The following GRK2 variants were observed in gnomAD, a reference collection of about 807,000 sequenced individuals.
GRK2 encodes adrenergic beta receptor kinase 1.
A neutral mutation model predicts 97.8 loss-of-function variants in GRK2; 23 were observed. The ratio of observed to expected loss-of-function variants is 0.24; its 90% confidence interval spans 0.17 to 0.33. GRK2 has a LOEUF of 0.33. Ranked by LOEUF, GRK2 falls within the 10% of genes least tolerant of loss-of-function variation. The pLI is 1.00. For synonymous variants in GRK2, 425 were observed against 381.7 expected (o/e 1.11, Z -1.32); for missense variants, 633 against 956.9 (o/e 0.66, Z 4.47).
intron 1 of GRK2, among the ~76,000 whole-genome samples, chr11:67,273,848 G>C (rs1024747083): frequency 2.0e-5 from 3 of 152,108 alleles, no homozygotes; most frequent in Non-Finnish European, 4.4e-5. Context: ...TGACAGCAGA[G>C]CCCCTGGGAA....
At position 67,283,864 on chromosome 11, in the gene GRK2, C is replaced by T; in HGVS notation, c.1406C>T (p.Pro469Leu). ...CCTGTTCTGCTGCAGTACCCTCCCC[C>T]GCTGATCCCCCCACGAGGGGAGGTG... ...QMVFLQKYPP[P>L]LIPPRGEVNA... is the part of the protein sequence containing the mutation. The change falls in exon 17 of 21, where the codon CCG (proline) becomes CTG (leucine). Residue 469 changes from proline to leucine, a missense_variant. Physicochemically the swap from Pro to Leu is moderately conservative, Grantham distance 98. Transcript: ENST00000308595. 1 of 1,613,058 alleles carries T rather than the reference C, an allele frequency of 6.2e-7. No homozygotes were observed. Among genetic ancestry groups the T allele is most frequent in the Non-Finnish European group, 8.5e-7 (1 of 1,179,788 alleles).
intron 1 of GRK2, among the ~76,000 whole-genome samples, chr11:67,274,514 T>TTTTTTTTTTTTTTTTTTTGC (rs1859984489): frequency 8.6e-6 from 1 of 116,064 alleles, no homozygotes; most frequent in Non-Finnish European, 1.9e-5. Flanking sequence ...TTTTTTTTTT[T>TTTTTTTTTTTTTTTTTTTGC]TTTTTTTTGC....
At chr11:67,275,860 C>G (rs915620964) in intron 1 of GRK2, among the ~76,000 whole-genome samples, 4 of 152,246 alleles carry the variant, frequency 2.6e-5, no homozygotes, top group African/African-American at 9.6e-5. Context: ...GGCTTCTGCA[C>G]ACGCTGTCTG....
At chr11:67,275,393 GGC>G (rs2136494821) in intron 1 of GRK2, among the ~76,000 whole-genome samples, 1 of 152,304 alleles carries the variant, frequency 6.6e-6, no homozygotes, top group African/African-American at 2.4e-5. Flanking sequence ...CAGACCCTCG[GGC>G]CCAAAGCCTG....
intron 1 of GRK2, among the ~76,000 whole-genome samples, chr11:67,273,645 C>T (rs926377453): frequency 6.6e-6 from 1 of 152,160 alleles, no homozygotes; most frequent in Middle Eastern, 3.4e-3. Flanking sequence ...CAGGCCTGAC[C>T]TCGTGTTTGG....
chr11:67,284,226 C>T lies in GRK2; in HGVS notation c.1507C>T (p.Gln503Ter). 6.2e-7 allele frequency: 1 copy of T among 1,613,652 alleles called. No homozygotes were observed. Among genetic ancestry groups the T allele is most frequent in the Non-Finnish European group, 8.5e-7 (1 of 1,179,990 alleles). Reference sequence around the variant, plus strand: ...CCTGGTAAAGTTACTGGACAGTGATCAGGAGCTCTACCGCAACTTCCCCCT... The same window carrying T: ...CCTGGTAAAGTTACTGGACAGTGATTAGGAGCTCTACCGCAACTTCCCCCT... Reference protein sequence around the residue: ...TKGIKLLDSDQELYRNFPLTI... With the variant: ...TKGIKLLDSD The change falls in exon 18 of 21, where the codon CAG becomes TAG. Residue 503 changes from glutamine to a stop codon, truncating the protein, a stop_gained. Coordinates refer to ENST00000308595, the MANE Select transcript of GRK2 (RefSeq NM_001619.5). LOFTEE classifies it high-confidence loss of function.
chr11:67,283,198 T>G lies in GRK2; in HGVS notation c.1298T>G (p.Val433Gly), dbSNP rs1222491412. The G allele has an allele frequency of 6.2e-7, 1 of 1,613,976 alleles. No homozygotes were observed. The highest frequency in any genetic ancestry group is 8.5e-7 in the Non-Finnish European group (1 of 1,179,970). ...CTGGAGGGGTTGCTGCAGAGGGATG[T>G]CAACCGGAGATTGGGCTGCCTGGGC... ...SLLEGLLQRD[V>G]NRRLGCLGRG... The change falls in exon 15 of 21, where the codon GTC (valine) becomes GGC (glycine). Residue 433 changes from valine (V) to glycine (G), a missense_variant. Physicochemically the swap from Val to Gly is moderately radical, Grantham distance 109 (BLOSUM62 -3). Transcript: ENST00000308595.
At position 67,282,421 on chromosome 11, in the gene GRK2, C is replaced by G; in HGVS notation, c.1053-14C>G. The G allele has an allele frequency of 6.2e-7, 1 of 1,613,288 alleles. No homozygotes were observed. Among genetic ancestry groups the G allele is most frequent in the South Asian group, 1.1e-5 (1 of 91,074 alleles). On this transcript the variant is annotated splice_polypyrimidine_tract_variant and intron_variant, in intron 12 of 20. Coordinates refer to ENST00000308595, the MANE Select transcript of GRK2 (RefSeq NM_001619.5). The surrounding 1 kb of genome is among the most constrained non-coding windows in gnomAD (Gnocchi z 6.9). ...CCCTTGCCACTCCCGCTTATGGCCC[C>G]CTTGCTCCCACAGGGGCACCCACGG...
At chr11:67,279,031 G>T (rs1860089988) in intron 2 of GRK2, among the ~76,000 whole-genome samples, 169 bp from the exon 3 acceptor site, 1 of 152,218 alleles carries the variant, frequency 6.6e-6, no homozygotes. Flanking sequence ...GAATCTTCAC[G>T]TTGGCAGCAG....
rs1860031216 is a variant in GRK2 at position 67,276,528 on chromosome 11, C to G, written c.114-744C>G. ...CAGGGCAGGGGTCACATTTTATATC[C>G]AAGTACTAGGGACACACGAACCAAG... On this transcript the variant is annotated intron_variant, in intron 1 of 20. Coordinates refer to ENST00000308595, the MANE Select transcript of GRK2 (RefSeq NM_001619.5). The surrounding 1 kb of genome is among the most constrained non-coding windows in gnomAD (Gnocchi z 4.2). 6.6e-6 allele frequency: 1 copy of G among 152,128 alleles called. No homozygotes were observed. The highest frequency in any genetic ancestry group is 6.5e-5 in the Admixed American group (1 of 15,274). 9.4% of individuals were successfully genotyped at this position (152,128 alleles called of 1,614,324 possible). A position where few individuals can be genotyped will look rare whatever the true frequency, so the allele number is the denominator to read the frequency against.
At chr11:67,270,599 C>G (rs1017030245) in intron 1 of GRK2, among the ~76,000 whole-genome samples, 2 of 152,228 alleles carry the variant, frequency 1.3e-5, no homozygotes, top group Non-Finnish European at 2.9e-5. Flanking sequence ...CCTGCTGCTT[C>G]CAGCCTTTGT....
Position 67,266,712 on chromosome 11 carries a change from G to C in GRK2, c.13G>C (p.Glu5Gln), listed in dbSNP as rs778566509. Reference protein sequence around the residue: MADLEAVLADVSYLM... With the variant: MADLQAVLADVSYLM... ...CGCCGCCGCCAAGATGGCGGACCTG[G>C]AGGCGGTGCTGGCCGACGTGAGCTA... The change falls in exon 1 of 21, where the codon GAG becomes CAG. Residue 5 changes from glutamate (E) to glutamine (Q), a missense_variant. Glu to Gln is a conservative substitution (Grantham distance 29). This residue lies in a region of GRK2 where 193 missense variants were observed against 212.2 expected (regional missense o/e 0.91). Coordinates refer to ENST00000308595, the MANE Select transcript of GRK2 (RefSeq NM_001619.5). The C allele has an allele frequency of 7.8e-7, 1 of 1,283,442 alleles. No homozygotes were observed. The allele number at this position is 1,283,442 out of a possible 1,614,324, so 79.5% of individuals were successfully genotyped here. A position where few individuals can be genotyped will look rare whatever the true frequency, so the allele number is the denominator to read the frequency against.
chr11:67,277,306 C>T lies in GRK2; in HGVS notation c.148C>T (p.Arg50Trp), dbSNP rs1165911865. 6 of 1,613,626 alleles carry T rather than the reference C, an allele frequency of 3.7e-6. No individual in the cohort carries two copies. The highest frequency in any genetic ancestry group is 1.1e-5 in the South Asian group (1 of 91,088). The change falls in exon 2 of 21, where the codon CGG becomes TGG. Residue 50 changes from arginine to tryptophan, a missense_variant. Arg to Trp is a moderately radical substitution (Grantham distance 101). Coordinates refer to ENST00000308595, the MANE Select transcript of GRK2 (RefSeq NM_001619.5). The part of the protein sequence containing the change: ...RSVMQKYLED[R>W]GEVTFEKIFS... ...TGTCATGCAGAAGTACCTGGAGGAC[C>T]GGGGCGAGGTGACCTTTGAGAAGAT...
intron 6 of GRK2, 85 bp downstream of exon 6, chr11:67,279,985 A>G (rs1004032340): frequency 7.3e-7 from 1 of 1,361,186 alleles, no homozygotes; most frequent in African/African-American, 1.4e-5. Flanking sequence ...GGCAGAAGCC[A>G]GCCTTCATTA....
chr11:67,282,616 A>G lies in GRK2; in HGVS notation c.1160+74A>G. On this transcript the variant is annotated intron_variant, in intron 13 of 20. Coordinates refer to ENST00000308595, the MANE Select transcript of GRK2 (RefSeq NM_001619.5). This position sits in a 1 kb window ranked among gnomAD's most constrained non-coding sequence, Gnocchi z 6.9. ...TCCTCCCCAATCCAGGTGGGATGCC[A>G]AAGGAGGGGAGCCCATAGCTGCCTT... is the stretch of plus-strand genomic sequence containing the variant. 6.4e-7 allele frequency: 1 copy of G among 1,567,556 alleles called. No homozygotes were observed. Among genetic ancestry groups the G allele is most frequent in the Non-Finnish European group, 8.7e-7 (1 of 1,144,024 alleles).
chr11:67,279,589 C>T (rs1290013338), intron 4 of GRK2, 37 bp from the exon 5 acceptor site: 1 of 1,612,666 alleles, frequency 6.2e-7, no homozygotes. Context: ...AAGAGAGGAC[C>T]CTGCTGAGAA....
rs1860221979 is a variant in GRK2, at chr11:67,284,249, C to A, written c.1530C>A (p.Pro510=). ...DSDQELYRNF[P]LTISERWQQE... ...ATCAGGAGCTCTACCGCAACTTCCC[C>A]CTCACCATCTCGGAGCGGTGGCAGC... The change falls in exon 18 of 21, where the codon CCC becomes CCA. Residue 510 remains proline (P), a synonymous_variant. Transcript: ENST00000308595. 3.7e-6 allele frequency: 6 copies of A among 1,613,678 alleles called. No homozygotes were observed. The highest frequency in any genetic ancestry group is 5.1e-6 in the Non-Finnish European group (6 of 1,180,004).
intron 1 of GRK2, among the ~76,000 whole-genome samples, chr11:67,271,984 G>A (rs61759811): frequency 9.9e-5 from 15 of 152,188 alleles, no homozygotes; most frequent in Non-Finnish European, 1.9e-4. Context: ...CCCAGGGGAC[G>A]GTTCCCAGAG....
chr11:67,277,965 A>G (rs2136497945), intron 2 of GRK2, among the ~76,000 whole-genome samples: 1 of 152,260 alleles, frequency 6.6e-6, no homozygotes, highest in Admixed American at 6.5e-5. Context: ...TCCTGGCCTG[A>G]TGGGATCAGG....
Sources: gnomAD v4.1 joint callset for allele counts (sites outside exome capture counted in the v4.1 genomes callset) on GRCh38, gnomAD v4.1.1 for gene constraint, gnomAD v4.1.1 regional missense constraint, Gnocchi (gnomAD v3.1) non-coding constraint, MANE v1.5 for transcripts, NCBI Gene and HGNC (gene_info 2026-07-23, HGNC 2026-07-21) for gene names.